Variants in WNK2 observed in about 807,000 individuals in gnomAD.
The protein encoded by WNK2 is serine/threonine-protein kinase WNK2.
In WNK2, 67 loss-of-function variants were observed where a neutral mutation model predicts 192.1. The ratio of observed to expected loss-of-function variants is 0.35; its 90% CI spans 0.29 to 0.43. The LOEUF (loss-of-function observed/expected upper bound fraction) is 0.43. Ranked by LOEUF, WNK2 falls within the 20% of genes least tolerant of loss-of-function variation. The probability of loss-of-function intolerance (pLI) is 1.00; values close to 1 mark genes in which losing one functional copy is unlikely to be tolerated. For synonymous variants in WNK2, 1,439 were observed against 1,393.9 expected (o/e 1.03, Z -0.72); for missense variants, 2,698 against 3,089.7 (o/e 0.87, Z 3.01).
chr9:93,194,511 C>T (rs1830890223), intron 2 of WNK2, among the ~76,000 whole-genome samples: 1 of 152,218 alleles, frequency 6.6e-6, no homozygotes, highest in Non-Finnish European at 1.5e-5. Flanking sequence ...AATGAGCTCC[C>T]ACTGCACACC....
intron 2 of WNK2, among the ~76,000 whole-genome samples, chr9:93,220,432 G>A (rs1836638559): frequency 6.6e-6 from 1 of 152,338 alleles, no homozygotes; most frequent in Admixed American, 6.5e-5. Flanking sequence ...CTACCTGTCA[G>A]CACAGCCGTG....
chr9:93,252,931 C>A lies in WNK2; in HGVS notation c.1883C>A (p.Ser628Ter). The A allele has an allele frequency of 6.4e-7, 1 of 1,573,202 alleles. No individual in the cohort carries two copies. Among genetic ancestry groups the A allele is most frequent in the Non-Finnish European group, 8.6e-7 (1 of 1,160,912 alleles). Residue 628 changes from serine to a stop codon, truncating the protein, a stop_gained, in exon 9 of 30, where the codon TCG (serine) becomes TAG (stop). Coordinates refer to ENST00000427277, the MANE Select transcript of WNK2 (RefSeq NM_006648.4). LOFTEE classifies it high-confidence loss of function. ...SGQGSTVYSD[S>*]QSSQQSVMLG... ...CAGGGCTCTACCGTGTACTCAGACT[C>A]GCAGAGCAGCCAGCAGAGCGTGATG... is the stretch of plus-strand genomic sequence containing the variant.
chr9:93,214,783 C>T (rs1297570799), intron 2 of WNK2, among the ~76,000 whole-genome samples: 1 of 142,518 alleles, frequency 7.0e-6, no homozygotes, highest in African/African-American at 2.6e-5. Context: ...GTAATATGCC[C>T]AGGTGTGGCT....
In WNK2 at chr9:93,289,532, C is replaced by G. The variant is rs1313850518; in HGVS notation, c.4778C>G (p.Pro1593Arg). Residue 1593 changes from proline to arginine, a missense_variant, in exon 20 of 30, where the codon CCC becomes CGC. By Grantham distance (103) the Pro-to-Arg change is moderately radical (BLOSUM62 -2). This residue lies in a region of WNK2 where 1,098 missense variants were observed against 1,101.0 expected (regional missense o/e 1.00). Transcript: ENST00000427277. ...FTLEPLRGDQ[P>R]RSEVCGGDLA... The stretch of plus-strand genomic sequence containing the variant: ...CTGGAGCCCCTGAGAGGGGACCAGC[C>G]CCGCTCAGAGGTCTGCGGGGGGGAC... The G allele has an allele frequency of 6.3e-7, 1 of 1,593,184 alleles. No individual in the cohort carries two copies. The highest frequency in any genetic ancestry group is 8.6e-7 in the Non-Finnish European group (1 of 1,166,522).
intron 19 of WNK2, among the ~76,000 whole-genome samples, chr9:93,273,309 C>T (rs1846281446): frequency 6.6e-6 from 1 of 152,172 alleles, no homozygotes. Flanking sequence ...AGGCACACAC[C>T]ACTGTGCCCA....
Position 93,292,863 on chromosome 9 carries a change from G to A in WNK2, c.5398G>A (p.Gly1800Ser), listed in dbSNP as rs373259519. Residue 1800 changes from glycine (G) to serine (S), a missense_variant, in exon 23 of 30, where the codon GGC becomes AGC. Gly to Ser is a moderately conservative substitution (Grantham distance 56). This residue lies in a region of WNK2 where 1,098 missense variants were observed against 1,101.0 expected (regional missense o/e 1.00). Coordinates refer to ENST00000427277, the MANE Select transcript of WNK2 (RefSeq NM_006648.4). ...RAQTASSIEV[G>S]VGEPVSSDSG... ...GCAGACGGCCTCCTCCATCGAGGTC[G>A]GCGTGGGCGAGCCCGTGTCCAGCGA... The A allele has an allele frequency of 6.7e-6, 10 of 1,493,782 alleles. No individual in the cohort carries two copies. The highest frequency in any genetic ancestry group is 4.2e-5 in the African/African-American group (3 of 71,728). 92.5% of individuals were successfully genotyped at this position (1,493,782 alleles called of 1,614,324 possible). A position where few individuals can be genotyped will look rare whatever the true frequency, so the allele number is the denominator to read the frequency against.
At chr9:93,222,341 C>T (rs1837065962) in intron 2 of WNK2, among the ~76,000 whole-genome samples, 1 of 151,986 alleles carries the variant, frequency 6.6e-6, no homozygotes, top group Non-Finnish European at 1.5e-5. Context: ...GCTAATAATT[C>T]CTCCCTCCCT....
intron 23 of WNK2, among the ~76,000 whole-genome samples, chr9:93,294,831 C>G (rs1015392339): frequency 3.8e-4 from 58 of 152,010 alleles, no homozygotes; most frequent in African/African-American, 1.4e-3. Context: ...CTTCCAGGAG[C>G]CTAAGAACAG....
At chr9:93,314,611 A>T (rs773076689) in intron 28 of WNK2, among the ~76,000 whole-genome samples, 45 of 152,316 alleles carry the variant, frequency 3.0e-4, no homozygotes, top group Non-Finnish European at 5.0e-4. Flanking sequence ...ATAAGCAATG[A>T]TGCCAGCCAT....
chr9:93,268,848 AG>A (rs967027999), intron 19 of WNK2, 102 bp downstream of exon 19: 4 of 1,575,486 alleles, frequency 2.5e-6, no homozygotes, highest in Non-Finnish European at 3.4e-6. Flanking sequence ...AGGTCCATGC[AG>A]GGGGCTCACC....
At position 93,184,958 on chromosome 9, in the gene WNK2, T is replaced by A. The variant is rs75871344; in HGVS notation, c.29T>A (p.Val10Asp). 21 of 1,209,882 alleles carry A rather than the reference T, an allele frequency of 1.7e-5. No homozygotes were observed. The highest frequency in any genetic ancestry group is 2.1e-5 in the Non-Finnish European group (21 of 976,922). The allele number at this position is 1,209,882 out of a possible 1,614,324, so 74.9% of individuals were successfully genotyped here. The change falls in exon 2 of 30, where the codon GTC becomes GAC. Residue 10 changes from valine (V) to aspartate (D), a missense_variant. By Grantham distance (152) the Val-to-Asp change is radical. This residue lies in a region of WNK2 where 260 missense variants were observed against 285.6 expected (regional missense o/e 0.91). Coordinates refer to ENST00000427277, the MANE Select transcript of WNK2 (RefSeq NM_006648.4). MDGDGGRRDVPGTLMEPGRG... is the reference protein window; with the variant it reads MDGDGGRRDDPGTLMEPGRG... ...GACGGCGATGGCGGCCGCCGAGACG[T>A]CCCCGGCACGCTGATGGAGCCCGGG...
intron 2 of WNK2, among the ~76,000 whole-genome samples, chr9:93,220,442 G>T (rs1836641488): frequency 6.6e-6 from 1 of 152,174 alleles, no homozygotes. Context: ...GCACAGCCGT[G>T]CACTAACCCT....
At chr9:93,288,055 A>C (rs1352272133) in intron 19 of WNK2, among the ~76,000 whole-genome samples, 1 of 152,182 alleles carries the variant, frequency 6.6e-6, no homozygotes, top group Non-Finnish European at 1.5e-5. Flanking sequence ...AAAAAAAAAG[A>C]AAGGTCGGGT....
At position 93,259,495 on chromosome 9, in the gene WNK2, C is replaced by A; in HGVS notation, c.2947C>A (p.Gln983Lys). The stretch of plus-strand genomic sequence containing the variant: ...GCCCCCTCAACCTGTGCTGCCCCCG[C>A]AACCCATGCTGCCCCCACAACCTGT... ...TRPPQPVLPP[Q>K]PMLPPQPVLP... is the part of the protein sequence containing the mutation. Residue 983 changes from glutamine to lysine, a missense_variant, in exon 12 of 30, where the codon CAA becomes AAA. Physicochemically the swap from Gln to Lys is moderately conservative, Grantham distance 53 (BLOSUM62 1). Coordinates refer to ENST00000427277, the MANE Select transcript of WNK2 (RefSeq NM_006648.4). The surrounding 1 kb of genome is among the most constrained non-coding windows in gnomAD (Gnocchi z 4.8). 6.4e-7 allele frequency: 1 copy of A among 1,556,328 alleles called. No homozygotes were observed. The highest frequency in any genetic ancestry group is 8.7e-7 in the Non-Finnish European group (1 of 1,153,164).
intron 7 of WNK2, among the ~76,000 whole-genome samples, chr9:93,243,846 G>T (rs754215335): frequency 6.6e-6 from 1 of 152,234 alleles, no homozygotes; most frequent in South Asian, 2.1e-4. Context: ...GAGGGGCTTC[G>T]CCGTGATGCA....
Position 93,289,481 on chromosome 9 carries a change from T to C in WNK2, c.4727T>C (p.Val1576Ala). ...TCCTCAGCCTCAGCTGGGACCCCTG[T>C]GGAGGTGGGCGACAGAGACTTCACC... ...PTSSASAGTPVEVGDRDFTLE... is the reference protein window; with the variant it reads ...PTSSASAGTPAEVGDRDFTLE... The change falls in exon 20 of 30, where the codon GTG becomes GCG. Residue 1576 changes from valine to alanine, a missense_variant. Val to Ala is a moderately conservative substitution (Grantham distance 64, BLOSUM62 0). Around this residue, in one of 7 missense-constraint regions of WNK2, gnomAD observed 1,098 missense variants for 1,101.0 expected, o/e 1.00. Coordinates refer to ENST00000427277, the MANE Select transcript of WNK2 (RefSeq NM_006648.4). 1 of 1,610,770 alleles carries C rather than the reference T, an allele frequency of 6.2e-7. No individual in the cohort carries two copies. The highest frequency in any genetic ancestry group is 8.5e-7 in the Non-Finnish European group (1 of 1,178,248).
At chr9:93,210,138 G>A (rs1053492489) in intron 2 of WNK2, among the ~76,000 whole-genome samples, 5 of 152,150 alleles carry the variant, frequency 3.3e-5, no homozygotes, top group Admixed American at 1.3e-4. Context: ...ATCTGCCGAC[G>A]GCCTCATGCA....
chr9:93,316,259 T>C (rs563796599), intron 28 of WNK2: 1 of 152,328 alleles, frequency 6.6e-6, no homozygotes, highest in Admixed American at 6.5e-5. Flanking sequence ...AAGTTCTTGA[T>C]TTTTTTCAGG....
chr9:93,294,678 T>C (rs1042505744), intron 23 of WNK2, among the ~76,000 whole-genome samples: 4 of 152,004 alleles, frequency 2.6e-5, no homozygotes, highest in Non-Finnish European at 4.4e-5. Flanking sequence ...TCTGAGAGCC[T>C]GGGTGACAGG....
Sources: gnomAD v4.1 joint callset for allele counts (sites outside exome capture counted in the v4.1 genomes callset) on GRCh38, gnomAD v4.1.1 for gene constraint, gnomAD v4.1.1 regional missense constraint, Gnocchi (gnomAD v3.1) non-coding constraint, MANE v1.5 for transcripts, NCBI Gene and HGNC (gene_info 2026-07-23, HGNC 2026-07-21) for gene names.